PTGER3: variants seen among roughly 807,000 people sequenced by gnomAD.
The protein encoded by PTGER3 is prostaglandin E2 receptor EP3 subtype.
Under a neutral mutation model 34.7 loss-of-function variants are expected in PTGER3, and 22 were observed. That is an observed-to-expected ratio of 0.63 (90% confidence interval 0.45 to 0.91). The LOEUF is 0.91. PTGER3 is among the 40% of genes least tolerant of loss of function. The pLI is 0.00. For synonymous variants in PTGER3, 241 were observed against 230.1 expected (o/e 1.05, Z -0.43); for missense variants, 468 against 519.4 (o/e 0.90, Z 0.96).
intron 2 of PTGER3, among the ~76,000 whole-genome samples, chr1:70,961,736 A>G (rs1378168036): frequency 6.6e-6 from 1 of 152,214 alleles, no homozygotes; most frequent in Non-Finnish European, 1.5e-5. Flanking sequence ...TTTGGCAGGA[A>G]TATTCTTGCT....
At chr1:70,973,272 A>C (rs1228300375) in intron 3 of PTGER3, among the ~76,000 whole-genome samples, 1 of 151,832 alleles carries the variant, frequency 6.6e-6, no homozygotes, top group African/African-American at 2.4e-5. Flanking sequence ...GATAGATGAT[A>C]GATACGTAGA....
At chr1:70,984,659 A>T (rs898594800) in intron 2 of PTGER3, among the ~76,000 whole-genome samples, 3 of 151,500 alleles carry the variant, frequency 2.0e-5, no homozygotes, top group African/African-American at 7.3e-5. Flanking sequence ...CCCAGGAGTT[A>T]GAAGATGCAG....
chr1:70,900,129 A>G (rs755790158), intron 4 of PTGER3, among the ~76,000 whole-genome samples: 3 of 152,154 alleles, frequency 2.0e-5, no homozygotes, highest in Non-Finnish European at 2.9e-5. Flanking sequence ...GTTTTGATAC[A>G]AAGCTTGTTT....
chr1:70,970,435 A>G (rs2100671265), downstream of PTGER3, among the ~76,000 whole-genome samples: 1 of 152,332 alleles, frequency 6.6e-6, no homozygotes, highest in South Asian at 2.1e-4. Context: ...GGAAGAAAAT[A>G]GTTATAGTTT....
rs1412006068 is a variant in PTGER3 at position 70,970,963 on chromosome 1, C to T, written c.*767G>A. The T allele has an allele frequency of 4.1e-6, 4 of 985,202 alleles. No individual in the cohort carries two copies. Among genetic ancestry groups the T allele is most frequent in the Non-Finnish European group, 4.8e-6 (4 of 829,920 alleles). 61.0% of individuals were successfully genotyped at this position (985,202 alleles called of 1,614,324 possible). ...TGGTCATGGTGAATCAGAAGGCCTA[C>T]CTGGATTTTTTTATCACTCTAACTG... is the stretch of plus-strand genomic sequence containing the variant. On this transcript the variant is annotated 3_prime_UTR_variant, in exon 4 of 4. Coordinates refer to ENST00000306666, the MANE Select transcript of PTGER3 (RefSeq NM_198719.2).
intron 2 of PTGER3, among the ~76,000 whole-genome samples, chr1:70,993,362 T>TCA (rs1557721526): frequency 6.6e-6 from 1 of 152,192 alleles, no homozygotes; most frequent in African/African-American, 2.4e-5. Context: ...GGTGAATATG[T>TCA]CTGTGCGATA....
intron 1 of PTGER3, among the ~76,000 whole-genome samples, chr1:71,019,540 T>C (rs952978088): frequency 3.9e-5 from 6 of 152,198 alleles, no homozygotes; most frequent in Non-Finnish European, 7.3e-5. Context: ...TCGCCATCCC[T>C]GTCTACTGTC....
At chr1:70,937,956 G>A (rs1236600948) in intron 4 of PTGER3, among the ~76,000 whole-genome samples, 1 of 152,092 alleles carries the variant, frequency 6.6e-6, no homozygotes, top group African/African-American at 2.4e-5. Flanking sequence ...CTTATTTAGA[G>A]TATTGGCCTT....
intron 1 of PTGER3, among the ~76,000 whole-genome samples, chr1:71,029,145 T>C (rs547121380): frequency 2.6e-5 from 4 of 152,230 alleles, no homozygotes; most frequent in Non-Finnish European, 5.9e-5. Context: ...CTAGGATTTA[T>C]ACCTTGATCT....
At chr1:70,879,840 A>G (rs1646351465) in intron 4 of PTGER3, among the ~76,000 whole-genome samples, 1 of 152,150 alleles carries the variant, frequency 6.6e-6, no homozygotes, top group African/African-American at 2.4e-5. Flanking sequence ...TCACACTTGC[A>G]ATCCCAGCAC....
chr1:70,963,589 G>C (rs2100642081), intron 2 of PTGER3, among the ~76,000 whole-genome samples: 1 of 152,260 alleles, frequency 6.6e-6, no homozygotes. Flanking sequence ...CGAAGCCACT[G>C]CCTGAACGGT....
chr1:71,046,808 A>G lies in PTGER3; in HGVS notation c.770T>C (p.Val257Ala). ...SCNLATIKAL[V>A]SRCRAKATAS... ...CGTGGCCTTGGCCCGGCAGCGGGAC[A>G]CCAGGGCCTTAATGGTGGCCAGGTT... The change falls in exon 1 of 4, where the codon GTG becomes GCG. Residue 257 changes from valine (V) to alanine (A), a missense_variant. Physicochemically the swap from Val to Ala is moderately conservative, Grantham distance 64. Transcript: ENST00000306666. The G allele has an allele frequency of 6.2e-7, 1 of 1,614,086 alleles. No homozygotes were observed. The highest frequency in any genetic ancestry group is 8.5e-7 in the Non-Finnish European group (1 of 1,180,038).
chr1:70,857,926 T>TCACAACTCA (rs1208813500), intron 4 of PTGER3, among the ~76,000 whole-genome samples: 1 of 152,226 alleles, frequency 6.6e-6, no homozygotes, highest in Admixed American at 6.5e-5. Context: ...ACACATAAAT[T>TCACAACTCA]CAGGCCAGTT....
chr1:70,987,204 T>C (rs1290669526), intron 2 of PTGER3, among the ~76,000 whole-genome samples: 1 of 152,082 alleles, frequency 6.6e-6, no homozygotes, highest in Non-Finnish European at 1.5e-5. Context: ...TGATGTATTA[T>C]AAAGGTGACC....
intron 1 of PTGER3, among the ~76,000 whole-genome samples, chr1:71,019,645 G>A (rs991470650): frequency 2.0e-5 from 3 of 152,158 alleles, no homozygotes; most frequent in African/African-American, 7.2e-5. Flanking sequence ...ATTAATCAGG[G>A]AGGCTGTCTT....
intron 4 of PTGER3, among the ~76,000 whole-genome samples, chr1:70,901,426 ATAC>A (rs1646836364): frequency 6.6e-6 from 1 of 152,212 alleles, no homozygotes; most frequent in African/African-American, 2.4e-5. Context: ...GTCCATTAAC[ATAC>A]TACCACGAAA....
rs74090810 is a variant in PTGER3 at position 70,972,604 on chromosome 1, T to C, written c.1170-871A>G. 4.3e-3 allele frequency among the ~76,000 whole-genome samples: 650 copies of C among 152,174 alleles called. 11 individuals carry two copies. The highest frequency in any genetic ancestry group is 0.015 in the African/African-American group (617 of 41,512). Reference sequence around the variant, plus strand: ...GGGTAATGATACAGTAATATTTTCATCAATGTGGCAAATTTGACCACAAAA... The same window carrying C: ...GGGTAATGATACAGTAATATTTTCACCAATGTGGCAAATTTGACCACAAAA... On this transcript the variant is annotated intron_variant, in intron 3 of 3. Coordinates refer to ENST00000306666, the MANE Select transcript of PTGER3 (RefSeq NM_198719.2).
Position 70,905,592 on chromosome 1 carries a change from G to C in PTGER3, c.*23+48171C>G, listed in dbSNP as rs113237512. Among the ~76,000 whole-genome samples, 4 of 152,068 alleles carry C rather than the reference G, an allele frequency of 2.6e-5. No individual in the cohort carries two copies. In the South Asian group the frequency reaches 8.3e-4, roughly 31 times the overall value. ...AGATTTGACTGCCCTGCTGGATTTC[G>C]GACTTGTATGGGGCCTGTAACCTCT... On this transcript the variant is annotated intron_variant, in intron 4 of 4. Coordinates refer to the PTGER3 transcript ENST00000370931.
chr1:70,975,707 T>C (rs576663641), intron 2 of PTGER3, among the ~76,000 whole-genome samples: 77 of 152,180 alleles, frequency 5.1e-4, no homozygotes, highest in Non-Finnish European at 1.0e-3. Context: ...CAGCAAAAAT[T>C]ACACTTTGAC....
Sources: allele counts gnomAD v4.1 joint callset (sites outside exome capture counted in the v4.1 genomes callset), GRCh38; gene constraint gnomAD v4.1.1; transcripts MANE v1.5; gene names NCBI Gene and HGNC (gene_info 2026-07-23, HGNC 2026-07-21).